PCDH1: variants seen among roughly 807,000 people sequenced by gnomAD.
PCDH1 encodes protocadherin-1.
In PCDH1, 23 loss-of-function variants were observed where a neutral mutation model predicts 74.6. The ratio of observed to expected loss-of-function variants is 0.31; its 90% CI spans 0.22 to 0.44. The LOEUF (loss-of-function observed/expected upper bound fraction) is 0.44, where lower values mean the gene tolerates loss of function less well. Ranked by LOEUF, PCDH1 falls within the 20% of genes least tolerant of loss-of-function variation. The pLI is 1.00. For missense variants in PCDH1, 1,214 were observed against 1,641.4 expected (o/e 0.74, Z 4.50); for synonymous variants, 647 against 686.1 (o/e 0.94, Z 0.89).
In PCDH1 at chr5:141,869,759, C is replaced by A; in HGVS notation, c.41-328G>T. On this transcript the variant is annotated intron_variant, in intron 1 of 4. Coordinates refer to ENST00000287008, the MANE Select transcript of PCDH1 (RefSeq NM_032420.5). This position sits in a 1 kb window ranked among gnomAD's most constrained non-coding sequence, Gnocchi z 4.9. Reference sequence around the variant, plus strand: ...GCCCGCCCTCTTTCCTTCTTTTCCTCCTTGCTCTCTGCTCTGTGCTTCACC... The same window carrying A: ...GCCCGCCCTCTTTCCTTCTTTTCCTACTTGCTCTCTGCTCTGTGCTTCACC... The A allele has an allele frequency of 1.0e-6, 1 of 985,464 alleles. No individual in the cohort carries two copies. The highest frequency in any genetic ancestry group is 5.2e-4 in the Middle Eastern group (1 of 1,914). 61.0% of individuals were successfully genotyped at this position (985,464 alleles called of 1,614,324 possible).
rs559535888 is a variant in PCDH1, at chr5:141,870,717, G to A, written c.41-1286C>T. On this transcript the variant is annotated intron_variant, in intron 1 of 4. Coordinates refer to ENST00000287008, the MANE Select transcript of PCDH1 (RefSeq NM_032420.5). ...GCCCATCTCCCCTGGCTTTGAGGTC[G>A]TGCATTTGCAGATCCCAGCTAGACC... Among the ~76,000 whole-genome samples the A allele has an allele frequency of 3.9e-5, 6 of 152,156 alleles. No individual in the cohort carries two copies. The South Asian group carries it at 6.2e-4, about 16-fold the overall frequency.
chr5:141,869,825 T>C lies in PCDH1; in HGVS notation c.41-394A>G, dbSNP rs545275957. ...ACGAGCATCCTGCCTTAGTCACCGA[T>C]GGTAATTACCTTGATACTGAGATAG... On this transcript the variant is annotated intron_variant, in intron 1 of 4. Coordinates refer to ENST00000287008, the MANE Select transcript of PCDH1 (RefSeq NM_032420.5). This position sits in a 1 kb window ranked among gnomAD's most constrained non-coding sequence, Gnocchi z 4.9. 81 of 984,256 alleles carry C rather than the reference T, an allele frequency of 8.2e-5. No individual in the cohort carries two copies. The African/African-American group carries it at 1.3e-3, about 15-fold the overall frequency. 61.0% of individuals were successfully genotyped at this position (984,256 alleles called of 1,614,324 possible).
chr5:141,868,802 C>A lies in PCDH1; in HGVS notation c.670G>T (p.Asp224Tyr). 3.1e-6 allele frequency: 5 copies of A among 1,614,218 alleles called. No homozygotes were observed. Among genetic ancestry groups the A allele is most frequent in the Non-Finnish European group, 4.2e-6 (5 of 1,180,036 alleles). ...QELFGLQVAE[D>Y]QEEKQPQLIV... ...AGCTGTGGTTGCTTCTCCTCCTGGT[C>A]CTCTGCCACCTGCAGCCCAAATAGC... The change falls in exon 2 of 5, where the codon GAC (aspartate) becomes TAC (tyrosine). Residue 224 changes from aspartate (D) to tyrosine (Y), a missense_variant. Around this residue, in one of 4 missense-constraint regions of PCDH1, gnomAD observed 836 missense variants for 1,182.2 expected, o/e 0.71. Transcript: ENST00000287008. This position sits in a 1 kb window ranked among gnomAD's most constrained non-coding sequence, Gnocchi z 4.8.
Position 141,864,235 on chromosome 5 carries a change from A to C in PCDH1, c.2096T>G (p.Val699Gly). The change falls in exon 3 of 5, where the codon GTT (valine) becomes GGT (glycine). Residue 699 changes from valine (V) to glycine (G), a missense_variant. Val to Gly is a moderately radical substitution (Grantham distance 109, BLOSUM62 -3). Around this residue, in one of 4 missense-constraint regions of PCDH1, gnomAD observed 836 missense variants for 1,182.2 expected, o/e 0.71. Transcript: ENST00000287008. This position sits in a 1 kb window ranked among gnomAD's most constrained non-coding sequence, Gnocchi z 5.9. ...DGGVPPRSAY[V>G]GVTINVLDEN... ...GTCCAGCACATTGATGGTGACACCA[A>C]CGTAAGCTGAGCGAGGTGGGACGCC... is the stretch of plus-strand genomic sequence containing the variant. 1 of 1,609,804 alleles carries C rather than the reference A, an allele frequency of 6.2e-7. No individual in the cohort carries two copies. Among genetic ancestry groups the C allele is most frequent in the Non-Finnish European group, 8.5e-7 (1 of 1,176,592 alleles).
intron 3 of PCDH1, chr5:141,862,573 A>T: frequency 1.1e-6 from 1 of 938,974 alleles, no homozygotes. Flanking sequence ...GGGGAAATTG[A>T]GGTAGGACCT....
In PCDH1 at chr5:141,869,903, C is replaced by G. The variant is rs1753045102; in HGVS notation, c.41-472G>C. 1 of 612,778 alleles carries G rather than the reference C, an allele frequency of 1.6e-6. No homozygotes were observed. Among genetic ancestry groups the G allele is most frequent in the Non-Finnish European group, 2.0e-6 (1 of 489,334 alleles). The allele number at this position is 612,778 out of a possible 1,614,324, so 38.0% of individuals were successfully genotyped here. ...CCTCGAGCATCCCCAACTGGAGCAC[C>G]CCTCCCCACATGCATGGTAGGAAAG... On this transcript the variant is annotated intron_variant, in intron 1 of 4. Transcript: ENST00000287008. The surrounding 1 kb of genome is among the most constrained non-coding windows in gnomAD (Gnocchi z 4.9).
rs774027386 is a variant in PCDH1 at position 141,854,012 on chromosome 5, G to C, written c.*30C>G. 6.8e-7 allele frequency: 1 copy of C among 1,475,516 alleles called. No homozygotes were observed. Among genetic ancestry groups the C allele is most frequent in the Non-Finnish European group, 9.0e-7 (1 of 1,111,332 alleles). The allele number at this position is 1,475,516 out of a possible 1,614,324, so 91.4% of individuals were successfully genotyped here. On this transcript the variant is annotated 3_prime_UTR_variant, in exon 5 of 5. Transcript: ENST00000287008. ...CATTTGGGAGCTGGCCGGCGGCTGG[G>C]GGAGGGGGGCCGGCCGGCCAGTAGG...
In PCDH1 at chr5:141,863,824, A is replaced by G; in HGVS notation, c.2507T>C (p.Ile836Thr). The change falls in exon 3 of 5, where the codon ATT becomes ACT. Residue 836 changes from isoleucine (I) to threonine (T), a missense_variant. This residue lies in a region of PCDH1 where 836 missense variants were observed against 1,182.2 expected (regional missense o/e 0.71). Transcript: ENST00000287008. This position sits in a 1 kb window ranked among gnomAD's most constrained non-coding sequence, Gnocchi z 7.5. ...LGHSLDTPLDIDIAGDPEYER... is the reference protein window; with the variant it reads ...LGHSLDTPLDTDIAGDPEYER... ...ATATTCTGGATCCCCAGCAATGTCA[A>G]TATCCAGCGGCGTGTCCAGGCTGTG... 6.2e-7 allele frequency: 1 copy of G among 1,614,182 alleles called. No homozygotes were observed. Among genetic ancestry groups the G allele is most frequent in the Non-Finnish European group, 8.5e-7 (1 of 1,180,032 alleles).
chr5:141,863,190 G>A lies in PCDH1; in HGVS notation c.3099+42C>T. 2 of 1,523,784 alleles carry A rather than the reference G, an allele frequency of 1.3e-6. No individual in the cohort carries two copies. Among genetic ancestry groups the A allele is most frequent in the Non-Finnish European group, 1.8e-6 (2 of 1,135,144 alleles). The allele number at this position is 1,523,784 out of a possible 1,614,324, so 94.4% of individuals were successfully genotyped here. A position where few individuals can be genotyped will look rare whatever the true frequency, so the allele number is the denominator to read the frequency against. ...TCCAGATGGCTCCGTGGTAGGGGTG[G>A]GGTAGGGGCTGGGGTGTGCTGAGCT... On this transcript the variant is annotated intron_variant, in intron 3 of 4. Coordinates refer to ENST00000287008, the MANE Select transcript of PCDH1 (RefSeq NM_032420.5). This position sits in a 1 kb window ranked among gnomAD's most constrained non-coding sequence, Gnocchi z 7.5.
At chr5:141,866,887 C>G (rs892395948) in intron 2 of PCDH1, among the ~76,000 whole-genome samples, 1 of 152,200 alleles carries the variant, frequency 6.6e-6, no homozygotes, top group Admixed American at 6.5e-5. Flanking sequence ...GTAGTGGGCA[C>G]TGCACCTAGT....
chr5:141,858,278 G>T (rs1361354742), intron 3 of PCDH1, among the ~76,000 whole-genome samples: 2 of 152,174 alleles, frequency 1.3e-5, no homozygotes, highest in Non-Finnish European at 2.9e-5. Flanking sequence ...CAGGGCACCT[G>T]GGGGAAGGGG....
rs775695169 is a variant in PCDH1 at position 141,863,519 on chromosome 5, T to TGAG, written c.2809_2811dup (p.Leu937dup). ...GGGGCATCGCTCATCAGGTTGAACT[T>TGAG]GAGGGACTTCTGCAGCCCGGCCTCA... On this transcript the variant is annotated inframe_insertion, in exon 3 of 5. Coordinates refer to ENST00000287008, the MANE Select transcript of PCDH1 (RefSeq NM_032420.5). The surrounding 1 kb of genome is among the most constrained non-coding windows in gnomAD (Gnocchi z 7.5). The TGAG allele has an allele frequency of 6.2e-7, 1 of 1,613,736 alleles. No individual in the cohort carries two copies. The highest frequency in any genetic ancestry group is 1.1e-5 in the South Asian group (1 of 91,044).
intron 1 of PCDH1, among the ~76,000 whole-genome samples, chr5:141,870,740 A>C (rs1047975437): frequency 6.6e-6 from 1 of 152,084 alleles, no homozygotes; most frequent in African/African-American, 2.4e-5. Context: ...TCCCAGCTAG[A>C]CCCAGCTACT....
rs139986071 is a variant in PCDH1 at position 141,865,877 on chromosome 5, TGCAC to T, written c.904-454_904-451del. ...TGTGCCCGTGTGAATGTGCACTACA[TGCAC>T]GCACGCATGCACATATGTATGTGTA... On this transcript the variant is annotated intron_variant, in intron 2 of 4. Transcript: ENST00000287008. The surrounding 1 kb of genome is among the most constrained non-coding windows in gnomAD (Gnocchi z 4.4). 0.16 allele frequency among the ~76,000 whole-genome samples: 24,961 copies of T among 152,154 alleles called. 2,415 individuals are homozygous for T. The highest frequency in any genetic ancestry group is 0.22 in the Non-Finnish European group (15,205 of 67,922).
intron 1 of PCDH1, among the ~76,000 whole-genome samples, chr5:141,870,537 C>T (rs781167116): frequency 1.3e-5 from 2 of 152,118 alleles, no homozygotes; most frequent in Non-Finnish European, 2.9e-5. Context: ...CTGGCCACTC[C>T]CCCACCCCAC....
intron 4 of PCDH1, among the ~76,000 whole-genome samples, chr5:141,856,844 C>A (rs962196221): frequency 1.3e-5 from 2 of 152,208 alleles, no homozygotes; most frequent in Admixed American, 1.3e-4. Flanking sequence ...CCACCACCCA[C>A]CTTCTCAAGG....
chr5:141,876,446 T>G (rs1409992515), intron 1 of PCDH1, among the ~76,000 whole-genome samples: 2 of 152,208 alleles, frequency 1.3e-5, no homozygotes, highest in Non-Finnish European at 2.9e-5. Flanking sequence ...CGAACCCGGC[T>G]AGGCGGGGAC....
At chr5:141,875,715 T>A (rs573684890) in intron 1 of PCDH1, among the ~76,000 whole-genome samples, 1 of 152,224 alleles carries the variant, frequency 6.6e-6, no homozygotes, top group African/African-American at 2.4e-5. Context: ...AAAAACTAAA[T>A]GCGGCCAGAA....
intron 3 of PCDH1, among the ~76,000 whole-genome samples, chr5:141,859,864 C>A (rs1752499118): frequency 6.6e-6 from 1 of 152,218 alleles, no homozygotes; most frequent in Non-Finnish European, 1.5e-5. Context: ...CATGAGCTTT[C>A]AGGGACTAGT....
Sources: allele counts gnomAD v4.1 joint callset (sites outside exome capture counted in the v4.1 genomes callset), GRCh38; gene constraint gnomAD v4.1.1; regional missense constraint gnomAD v4.1.1; non-coding constraint Gnocchi (gnomAD v3.1); transcripts MANE v1.5; gene names NCBI Gene and HGNC (gene_info 2026-07-23, HGNC 2026-07-21).